The following CDH13 variants were observed in gnomAD, a reference collection of about 807,000 sequenced individuals.
The protein encoded by CDH13 is cadherin 13.
Under a neutral mutation model 63.8 loss-of-function variants are expected in CDH13, and 24 were observed. That is an observed-to-expected ratio of 0.38 (90% CI 0.27 to 0.53). The LOEUF is 0.53. CDH13 is among the 20% of genes least tolerant of loss of function. The pLI is 0.85. For missense variants in CDH13, 1,049 were observed against 903.1 expected (o/e 1.16, Z -2.07); for synonymous variants, 503 against 355.3 (o/e 1.42, Z -4.67).
At chr16:83,455,750 C>T (rs1340967210) in intron 6 of CDH13, among the ~76,000 whole-genome samples, 1 of 152,186 alleles carries the variant, frequency 6.6e-6, no homozygotes, top group Non-Finnish European at 1.5e-5. Context: ...GCTTTCCATT[C>T]GTTTTCCTTT....
chr16:83,363,460 C>G (rs183622047), intron 6 of CDH13, among the ~76,000 whole-genome samples: 28 of 152,222 alleles, frequency 1.8e-4, no homozygotes, highest in Non-Finnish European at 3.7e-4. Flanking sequence ...GGTCCTCACA[C>G]TGTACCCAAA....
intron 1 of CDH13, among the ~76,000 whole-genome samples, chr16:82,731,430 T>C (rs1014091622): frequency 1.8e-4 from 27 of 152,214 alleles, no homozygotes; most frequent in Non-Finnish European, 3.2e-4. Flanking sequence ...AATTAAATTT[T>C]AAAAATGTGT....
At chr16:82,848,063 T>C (rs1199811293) in intron 1 of CDH13, among the ~76,000 whole-genome samples, 1 of 152,220 alleles carries the variant, frequency 6.6e-6, no homozygotes, top group African/African-American at 2.4e-5. Flanking sequence ...GTCTTTGGTA[T>C]GTTCAAAGAA....
At chr16:83,198,208 AT>A (rs1459079848) in intron 4 of CDH13, among the ~76,000 whole-genome samples, 1 of 152,108 alleles carries the variant, frequency 6.6e-6, no homozygotes, top group Non-Finnish European at 1.5e-5. Flanking sequence ...TAAAAAAAAA[AT>A]CCCATTGCCA....
rs150823942 is a variant in CDH13 at position 83,235,474 on chromosome 16, T to C, written c.636+17977T>C. 3.3e-5 allele frequency among the ~76,000 whole-genome samples: 5 copies of C among 152,324 alleles called. 1 individual carries two copies. Among genetic ancestry groups the C allele is most frequent in the African/African-American group, 9.6e-5 (4 of 41,576 alleles). On this transcript the variant is annotated intron_variant, in intron 5 of 13. Transcript: ENST00000567109. ...AGCTGGAATCGTGGCATGTCAGGGC[T>C]CTGCCTAGCCGGGCCCCACTCCTAC...
At chr16:83,497,458 C>A (rs1477990753) in intron 7 of CDH13, among the ~76,000 whole-genome samples, 1 of 137,014 alleles carries the variant, frequency 7.3e-6, no homozygotes, top group African/African-American at 2.8e-5. Context: ...GGGAACTGAA[C>A]AGTGAAATCA....
intron 1 of CDH13, among the ~76,000 whole-genome samples, chr16:82,758,794 A>G (rs1019773959): frequency 6.6e-6 from 1 of 152,230 alleles, no homozygotes; most frequent in African/African-American, 2.4e-5. Flanking sequence ...ACATTTACTA[A>G]TCATTGAAAT....
At chr16:82,837,908 C>G (rs1054584815) in intron 1 of CDH13, among the ~76,000 whole-genome samples, 32 of 152,232 alleles carry the variant, frequency 2.1e-4, no homozygotes, top group African/African-American at 7.0e-4. Context: ...CAGATGCCAG[C>G]CAAGGGCCAG....
intron 10 of CDH13, among the ~76,000 whole-genome samples, chr16:83,733,548 G>T (rs1379837982): frequency 1.3e-5 from 2 of 152,154 alleles, no homozygotes; most frequent in African/African-American, 4.8e-5. Flanking sequence ...ATAATGCGAG[G>T]CTCAGCCATC....
chr16:83,175,313 T>A (rs917975066), intron 4 of CDH13, among the ~76,000 whole-genome samples: 5 of 152,146 alleles, frequency 3.3e-5, no homozygotes, highest in Admixed American at 1.3e-4. Context: ...TTATATGAAG[T>A]TATCAATAGT....
chr16:83,391,027 G>A (rs777166701), intron 6 of CDH13, among the ~76,000 whole-genome samples: 25 of 152,124 alleles, frequency 1.6e-4, no homozygotes, highest in Admixed American at 4.6e-4. Flanking sequence ...AAAGTACAAC[G>A]AACAGTATCT....
chr16:83,040,188 T>C (rs539244434), intron 3 of CDH13, among the ~76,000 whole-genome samples: 2 of 152,120 alleles, frequency 1.3e-5, no homozygotes, highest in Non-Finnish European at 2.9e-5. Flanking sequence ...AAGGGGTTCA[T>C]AATTGTGTGA....
intron 2 of CDH13, among the ~76,000 whole-genome samples, chr16:83,026,995 C>T (rs1252721874): frequency 6.6e-6 from 1 of 151,970 alleles, no homozygotes; most frequent in South Asian, 2.1e-4. Flanking sequence ...TCTTCATTTC[C>T]TTGTACTCCC....
At chr16:82,662,927 C>A (rs1833345840) in intron 1 of CDH13, among the ~76,000 whole-genome samples, 3 of 152,204 alleles carry the variant, frequency 2.0e-5, no homozygotes, top group Admixed American at 6.5e-5. Flanking sequence ...AAGGACATGC[C>A]TTCTCCCATA....
chr16:83,058,711 C>T (rs1478642951), intron 3 of CDH13, among the ~76,000 whole-genome samples: 5 of 152,152 alleles, frequency 3.3e-5, no homozygotes, highest in African/African-American at 1.2e-4. Flanking sequence ...ACAGAAGAGT[C>T]TTATGTAGTG....
chr16:82,648,973 G>T (rs3910226), intron 1 of CDH13, among the ~76,000 whole-genome samples: 2 of 151,840 alleles, frequency 1.3e-5, no homozygotes, highest in African/African-American at 4.8e-5. Flanking sequence ...ATTTTAGATG[G>T]TTGATCATGA....
At chr16:83,683,651 G>A (rs1478078396) in intron 10 of CDH13, among the ~76,000 whole-genome samples, 1 of 152,082 alleles carries the variant, frequency 6.6e-6, no homozygotes, top group African/African-American at 2.4e-5. Context: ...GTTTACACTT[G>A]TTTGCAGTTT....
rs2074545997 is a variant in CDH13 at position 83,511,067 on chromosome 16, CACACACAT to C, written c.960+24413_960+24420del. Among the ~76,000 whole-genome samples the C allele has an allele frequency of 6.8e-5, 5 of 73,364 alleles. No individual in the cohort carries two copies. In the South Asian group the frequency reaches 1.9e-3, roughly 28 times the overall value. The allele number at this position is 73,364 out of a possible 152,430, so 48.1% of individuals were successfully genotyped here. ...ACACGTGTGTGCACACACAGACACG[CACACACAT>C]GCACGCATGCACACACACATGCACA... is the stretch of plus-strand genomic sequence containing the variant. On this transcript the variant is annotated intron_variant, in intron 7 of 13. Transcript: ENST00000567109.
chr16:83,036,324 A>G (rs1567768352), intron 3 of CDH13, among the ~76,000 whole-genome samples: 1 of 151,864 alleles, frequency 6.6e-6, no homozygotes, highest in East Asian at 1.9e-4. Flanking sequence ...TACTTTTTGT[A>G]TCTTTAGTAG....
Sources: allele counts gnomAD v4.1 joint callset (sites outside exome capture counted in the v4.1 genomes callset), GRCh38; gene constraint gnomAD v4.1.1; transcripts MANE v1.5; gene names NCBI Gene and HGNC (gene_info 2026-07-23, HGNC 2026-07-21).